HSPB7: variants seen among roughly 807,000 people sequenced by gnomAD.
The protein encoded by HSPB7 is heat shock protein beta-7.
A neutral mutation model predicts 11.0 loss-of-function variants in HSPB7; 9 were observed. The ratio of observed to expected loss-of-function variants is 0.82; its 90% CI spans 0.49 to 1.43. The LOEUF is 1.43. Ranked by LOEUF, HSPB7 falls within the 40% of genes most tolerant of loss-of-function variation. HSPB7 has a pLI of 0.00. For synonymous variants in HSPB7, 102 were observed against 101.6 expected, an observed-to-expected ratio of 1.00 and a Z score of -0.02; for missense variants, 246 against 243.9, an observed-to-expected ratio of 1.01 and a Z score of -0.06.
chr1:16,017,058 G>C lies in HSPB7; in HGVS notation c.333+16C>G. On this transcript the variant is annotated intron_variant, in intron 2 of 2. Coordinates refer to ENST00000311890, the MANE Select transcript of HSPB7 (RefSeq NM_014424.5). The stretch of plus-strand genomic sequence containing the variant: ...GCAGAATTTGGGATGCGGTGAGTAG[G>C]GGGTGGGGGGCTCACCTTCTCAGCC... 6.2e-7 allele frequency: 1 copy of C among 1,601,206 alleles called. No individual in the cohort carries two copies. Among genetic ancestry groups the C allele is most frequent in the Non-Finnish European group, 8.6e-7 (1 of 1,169,330 alleles).
In HSPB7 at chr1:16,016,779, C is replaced by T. The variant is rs149951968; in HGVS notation, c.333+295G>A. Among the ~76,000 whole-genome samples, 473 of 152,290 alleles carry T rather than the reference C, an allele frequency of 3.1e-3. 1 individual carries two copies. The highest frequency in any genetic ancestry group is 6.8e-3 in the Middle Eastern group (2 of 294). Reference sequence around the variant, plus strand: ...TGTCATCTCCCACCCTCAAGCCCCACCCCCTCAGGCTCCCTCTGCCCACAT... The same window carrying T: ...TGTCATCTCCCACCCTCAAGCCCCATCCCCTCAGGCTCCCTCTGCCCACAT... On this transcript the variant is annotated intron_variant, in intron 2 of 2. Coordinates refer to ENST00000311890, the MANE Select transcript of HSPB7 (RefSeq NM_014424.5).
rs199601455 is a variant in HSPB7 at position 16,015,725 on chromosome 1, G to A, written c.368C>T (p.Ala123Val). Residue 123 changes from alanine (A) to valine (V), a missense_variant, in exon 3 of 3, where the codon GCT (alanine) becomes GTT (valine). Coordinates refer to ENST00000311890, the MANE Select transcript of HSPB7 (RefSeq NM_014424.5). The surrounding 1 kb of genome is among the most constrained non-coding windows in gnomAD (Gnocchi z 4.9). Reference sequence around the variant, plus strand: ...GTCCTCCGGCAGCTGGCACTTGTGAGCGAAGGTGTTCATGACAGTGCCGTC... The same window carrying A: ...GTCCTCCGGCAGCTGGCACTTGTGAACGAAGGTGTTCATGACAGTGCCGTC... ...AADGTVMNTF[A>V]HKCQLPEDVD... 129 of 1,608,826 alleles carry A rather than the reference G, an allele frequency of 8.0e-5. No homozygotes were observed. The highest frequency in any genetic ancestry group is 1.1e-4 in the Non-Finnish European group (125 of 1,177,222).
At chr1:16,018,361 C>T (rs755650218), upstream of HSPB7, 19 of 1,203,802 alleles carry the variant, frequency 1.6e-5, no homozygotes, top group African/African-American at 3.2e-5. Context: ...TTTTGTTTCC[C>T]CCGTCAGCCT....
chr1:16,019,546 G>C (rs1570284466), upstream of HSPB7: 1 of 1,427,884 alleles, frequency 7.0e-7, no homozygotes, highest in Admixed American at 2.2e-5. Flanking sequence ...GCTTCATCCT[G>C]GAGAGCTCCT....
At chr1:16,017,677 C>T in intron 1 of HSPB7, 88 bp downstream of exon 1, 5 of 1,149,308 alleles carry the variant, frequency 4.4e-6, no homozygotes, top group Non-Finnish European at 6.2e-6. Flanking sequence ...TCCAGGCCGA[C>T]CGGCAGCCAC....
chr1:16,019,118 C>A (rs1436451935), upstream of HSPB7: 1 of 1,535,418 alleles, frequency 6.5e-7, no homozygotes, highest in Non-Finnish European at 8.8e-7. Context: ...GCTTGCTCAG[C>A]AAAGCTGGGA....
At chr1:16,016,507 C>T (rs996101756) in intron 2 of HSPB7, among the ~76,000 whole-genome samples, 1 of 152,216 alleles carries the variant, frequency 6.6e-6, no homozygotes, top group Non-Finnish European at 1.5e-5. Flanking sequence ...GACCTGTGGG[C>T]GGGCGCTGTG....
Position 16,014,935 on chromosome 1 carries a change from G to T in HSPB7, c.*645C>A, listed in dbSNP as rs536497331. The T allele has an allele frequency of 1.3e-5, 2 of 152,680 alleles. No individual in the cohort carries two copies. Among genetic ancestry groups the T allele is most frequent in the Admixed American group, 1.3e-4 (2 of 15,362 alleles). 9.5% of individuals were successfully genotyped at this position (152,680 alleles called of 1,614,324 possible). ...AGTTTATCACGAACCAGCTGTATTG[G>T]AAAAACCCCATCTATATACAGATGT... is the stretch of plus-strand genomic sequence containing the variant. On this transcript the variant is annotated 3_prime_UTR_variant, in exon 3 of 3. Coordinates refer to ENST00000311890, the MANE Select transcript of HSPB7 (RefSeq NM_014424.5).
upstream of HSPB7, chr1:16,019,460 G>C (rs569299583): frequency 3.2e-6 from 5 of 1,548,786 alleles, no homozygotes; most frequent in Non-Finnish European, 4.4e-6. Context: ...GGGTTCACCT[G>C]TCTCCCCATT....
chr1:16,017,352 C>T (rs1431718012), intron 1 of HSPB7, 145 bp from the exon 2 acceptor site: 2 of 1,059,558 alleles, frequency 1.9e-6, no homozygotes, highest in Non-Finnish European at 2.7e-6. Context: ...CCTCCTCATT[C>T]CTACAGCCCA....
At chr1:16,018,715 C>A (rs965173910), upstream of HSPB7, 12 of 1,037,608 alleles carry the variant, frequency 1.2e-5, no homozygotes, top group East Asian at 9.4e-4. Flanking sequence ...GTGTTCCCGG[C>A]AACTGTCTGC....
upstream of HSPB7, chr1:16,018,636 ACT>A (rs2021941736): frequency 1.9e-6 from 2 of 1,029,226 alleles, no homozygotes; most frequent in South Asian, 3.7e-5. Context: ...ACTCCCTCTG[ACT>A]CTCAGAACAT....
chr1:16,017,298 C>A, intron 1 of HSPB7, 91 bp from the exon 2 acceptor site: 1 of 1,529,484 alleles, frequency 6.5e-7, no homozygotes, highest in South Asian at 1.2e-5. Flanking sequence ...CAAGGGGCGG[C>A]TCCCCCAGGC....
rs1763600 is a variant in HSPB7, at chr1:16,014,733, C to T, written c.*847G>A. 11,269 of 152,208 alleles carry T rather than the reference C, an allele frequency of 0.074. 488 individuals are homozygous for T. Among genetic ancestry groups the T allele is most frequent in the South Asian group, 0.15 (703 of 4,818 alleles). 9.4% of individuals were successfully genotyped at this position (152,208 alleles called of 1,614,324 possible). On this transcript the variant is annotated 3_prime_UTR_variant, in exon 3 of 3. Transcript: ENST00000311890. ...GTGGCAAGAAGCTGGGGTCCAACCT[C>T]GAGGACCCAAAGCCCCATCCATGCC... is the stretch of plus-strand genomic sequence containing the variant.
At chr1:16,017,644 G>T in intron 1 of HSPB7, 121 bp downstream of exon 1, 1 of 793,992 alleles carries the variant, frequency 1.3e-6, no homozygotes, top group Non-Finnish European at 2.0e-6. Flanking sequence ...GCCACACATG[G>T]CTGCAGGCTG....
Position 16,017,145 on chromosome 1 carries a change from C to A in HSPB7, c.262G>T (p.Val88Leu). Reference sequence around the variant, plus strand: ...ATGTCTTCAGGTGAGAAGTCTCTCACGTCCACCGCAAACTCATAGGCGTCT... The same window carrying A: ...ATGTCTTCAGGTGAGAAGTCTCTCAAGTCCACCGCAAACTCATAGGCGTCT... ...LGDAYEFAVD[V>L]RDFSPEDIIV... The change falls in exon 2 of 3, where the codon GTG (valine) becomes TTG (leucine). Residue 88 changes from valine (V) to leucine (L), a missense_variant. Coordinates refer to ENST00000311890, the MANE Select transcript of HSPB7 (RefSeq NM_014424.5). 6.2e-7 allele frequency: 1 copy of A among 1,613,802 alleles called. No individual in the cohort carries two copies. Among genetic ancestry groups the A allele is most frequent in the Admixed American group, 1.7e-5 (1 of 60,010 alleles).
At chr1:16,018,929 G>A (rs997947270), upstream of HSPB7, 198 of 1,142,778 alleles carry the variant, frequency 1.7e-4, no homozygotes, top group South Asian at 4.4e-4. Context: ...CCCATGTTAC[G>A]GACGGGGAAG....
At chr1:16,019,109 C>G, upstream of HSPB7, 1 of 1,526,342 alleles carries the variant, frequency 6.6e-7, no homozygotes, top group Non-Finnish European at 8.8e-7. Flanking sequence ...TACCCACCTG[C>G]TTGCTCAGCA....
upstream of HSPB7, chr1:16,019,144 G>A: frequency 6.5e-7 from 1 of 1,549,476 alleles, no homozygotes; most frequent in Non-Finnish European, 8.7e-7. Context: ...CTTGCCCTGG[G>A]CCAGGGTGGA....
Sources: allele counts gnomAD v4.1 joint callset (sites outside exome capture counted in the v4.1 genomes callset), GRCh38; gene constraint gnomAD v4.1.1; non-coding constraint Gnocchi (gnomAD v3.1); transcripts MANE v1.5; gene names NCBI Gene and HGNC (gene_info 2026-07-23, HGNC 2026-07-21).